The following SMARCA1 variants were observed in gnomAD, a reference collection of about 807,000 sequenced individuals.
SMARCA1 encodes SNF2 related chromatin remodeling ATPase 1, also known as SWI/SNF-related matrix-associated actin-dependent regulator of chromatin subfamily A member 1.
In SMARCA1, 17 loss-of-function variants were observed where a neutral mutation model predicts 93.6. The ratio of observed to expected loss-of-function variants is 0.18; its 90% CI spans 0.12 to 0.27. The LOEUF (loss-of-function observed/expected upper bound fraction) is 0.27. Ranked by LOEUF, SMARCA1 falls within the 10% of genes least tolerant of loss-of-function variation. SMARCA1 has a pLI of 1.00. For missense variants in SMARCA1, 630 were observed against 819.0 expected (o/e 0.77, Z 2.82); for synonymous variants, 271 against 271.4 (o/e 1.00, Z 0.01).
chrX:129,484,097 T>A lies in SMARCA1; in HGVS notation c.2218-2912A>T, dbSNP rs771316240. Among the ~76,000 whole-genome samples the A allele has an allele frequency of 2.8e-3, 310 of 111,988 alleles. 3 individuals carry two copies. Among genetic ancestry groups the A allele is most frequent in the Non-Finnish European group, 4.4e-3 (232 of 53,195 alleles). On this transcript the variant is annotated intron_variant, in intron 17 of 24. Transcript: ENST00000371121. ...TGGTTATTAAAATTCTCTTTACGCA[T>A]CATTACTTTGCTAAAATTAGAAGCA...
chrX:129,471,811 T>C lies in SMARCA1; in HGVS notation c.2443-485A>G, dbSNP rs184041696. Among the ~76,000 whole-genome samples, 141 of 110,921 alleles carry C rather than the reference T, an allele frequency of 1.3e-3. 1 individual carries two copies. Among genetic ancestry groups the C allele is most frequent in the Middle Eastern group, 4.6e-3 (1 of 216 alleles). On this transcript the variant is annotated intron_variant, in intron 19 of 24. Transcript: ENST00000371121. ...GGGGAGAGAGCATTTTTACATAAAA[T>C]GGAAAGTTTGGAAAAAGTTAACAGG...
chrX:129,516,760 G>A (rs1246711145), intron 2 of SMARCA1, among the ~76,000 whole-genome samples: 1 of 110,968 alleles, frequency 9.0e-6, no homozygotes, highest in Non-Finnish European at 1.9e-5. Context: ...TAGTTTGAAG[G>A]GAAGAAAAAT....
At chrX:129,463,405 A>T (rs931764957) in intron 23 of SMARCA1, among the ~76,000 whole-genome samples, 1 of 111,863 alleles carries the variant, frequency 8.9e-6, no homozygotes, top group African/African-American at 3.2e-5. Flanking sequence ...GTCAAAATAG[A>T]ATTCCACTTT....
At chrX:129,484,073 G>A (rs1352539945) in intron 17 of SMARCA1, among the ~76,000 whole-genome samples, 1 of 111,719 alleles carries the variant, frequency 9.0e-6, no homozygotes, top group East Asian at 2.8e-4. Context: ...AAGTCATCAT[G>A]GTTATTAAAA....
chrX:129,512,047 G>T, intron 5 of SMARCA1, 64 bp from the exon 6 acceptor site: 2 of 878,314 alleles, frequency 2.3e-6, no homozygotes, highest in Non-Finnish European at 3.2e-6. Flanking sequence ...CATTTTGTTA[G>T]GAACAACATA....
rs142456226 is a variant in SMARCA1 at position 129,496,768 on chromosome X, G to A, written c.1608C>T (p.Thr536=). 1,091 of 1,203,222 alleles carry A rather than the reference G, an allele frequency of 9.1e-4. 1 individual carries two copies. Among genetic ancestry groups the A allele is most frequent in the Non-Finnish European group, 6.8e-4 (609 of 891,602 alleles). Residue 536 remains threonine, a synonymous_variant, in exon 12 of 25, where the codon ACC becomes ACT. Transcript: ENST00000371121. ...GYEYCRLDGQ[T]PHEEREDKFL... The stretch of plus-strand genomic sequence containing the variant: ...TCCTCACCTCTCTTTCTTCATGCGG[G>A]GTTTGTCCATCCAGTCGACAATACT...
intron 6 of SMARCA1, among the ~76,000 whole-genome samples, chrX:129,511,550 C>CTAGT (rs10679278): frequency 0.26 from 28,934 of 110,457 alleles, 4,173 homozygotes; most frequent in African/African-American, 0.55. Flanking sequence ...GGTTAATGAA[C>CTAGT]TAAAGCAAAT....
chrX:129,453,299 A>T (rs1328038344), intron 23 of SMARCA1, among the ~76,000 whole-genome samples: 1 of 111,588 alleles, frequency 9.0e-6, no homozygotes, highest in African/African-American at 3.3e-5. Context: ...ACAACTAGCC[A>T]AGTTGTGAAT....
At chrX:129,513,634 A>C (rs1261977897) in intron 5 of SMARCA1, among the ~76,000 whole-genome samples, 1 of 108,344 alleles carries the variant, frequency 9.2e-6, no homozygotes, top group African/African-American at 3.3e-5. Context: ...CAAATTCATC[A>C]CTAAAGATCA....
intron 23 of SMARCA1, among the ~76,000 whole-genome samples, chrX:129,450,279 A>G (rs1357578062): frequency 8.9e-6 from 1 of 112,157 alleles, no homozygotes; most frequent in African/African-American, 3.2e-5. Context: ...AATGGGCCAT[A>G]TGAGAATGCC....
intron 9 of SMARCA1, 107 bp downstream of exon 9, chrX:129,504,627 A>G: frequency 5.1e-6 from 2 of 388,414 alleles, no homozygotes; most frequent in Admixed American, 3.3e-5. Context: ...AGTGACATTG[A>G]GCCAAGAGGC....
intron 23 of SMARCA1, among the ~76,000 whole-genome samples, chrX:129,464,975 AC>A (rs997490420): frequency 8.9e-6 from 1 of 111,745 alleles, no homozygotes; most frequent in Non-Finnish European, 1.9e-5. Flanking sequence ...GATCACGAAA[AC>A]CAAAAGGTTG....
chrX:129,487,730 A>G (rs1424387472), intron 16 of SMARCA1, among the ~76,000 whole-genome samples: 1 of 112,437 alleles, frequency 8.9e-6, no homozygotes, highest in East Asian at 2.8e-4. Flanking sequence ...ATAGATTTTA[A>G]AAGATAGAGA....
At position 129,521,727 on chromosome X, in the gene SMARCA1, G is replaced by C. The variant is rs150707175; in HGVS notation, c.174+1470C>G. Among the ~76,000 whole-genome samples, 489 of 112,223 alleles carry C rather than the reference G, an allele frequency of 4.4e-3. 4 individuals are homozygous for C. The highest frequency in any genetic ancestry group is 0.015 in the African/African-American group (468 of 30,886). ...GACATTTCCGAATTTCACAACATTTGATTTATATTGATGCTTGGTATTACA... is the reference window on the plus strand; with the variant it reads ...GACATTTCCGAATTTCACAACATTTCATTTATATTGATGCTTGGTATTACA... On this transcript the variant is annotated intron_variant, in intron 1 of 24. Coordinates refer to ENST00000371121, the MANE Select transcript of SMARCA1 (RefSeq NM_001282874.2).
intron 3 of SMARCA1, 45 bp from the exon 4 acceptor site, chrX:129,516,039 A>G: frequency 1.1e-6 from 1 of 945,705 alleles, no homozygotes; most frequent in Non-Finnish European, 1.5e-6. Flanking sequence ...CCTAAATGAT[A>G]AGGTATCAAT....
chrX:129,469,042 T>C, intron 20 of SMARCA1, 137 bp from the exon 21 acceptor site: 2 of 365,707 alleles, frequency 5.5e-6, no homozygotes, highest in African/African-American at 5.2e-5. Context: ...AAATTGCACA[T>C]ATTTTATGTT....
chrX:129,470,196 T>C (rs954715185), intron 20 of SMARCA1, among the ~76,000 whole-genome samples: 3 of 111,927 alleles, frequency 2.7e-5, no homozygotes, highest in African/African-American at 9.7e-5. Flanking sequence ...GGCAACCCTC[T>C]ATACTAAAGT....
At chrX:129,447,384 CCAA>C in intron 24 of SMARCA1, 151 bp from the exon 25 acceptor site, 1 of 506,921 alleles carries the variant, frequency 2.0e-6, no homozygotes, top group Non-Finnish European at 3.0e-6. Context: ...TCTATATAGC[CCAA>C]CAAACTATAT....
intron 14 of SMARCA1, 65 bp from the exon 15 acceptor site, chrX:129,490,257 C>T: frequency 2.7e-6 from 2 of 740,137 alleles, no homozygotes; most frequent in African/African-American, 2.1e-5. Flanking sequence ...CCATCATATG[C>T]TATAAAATTC....
Sources: gnomAD v4.1 joint callset for allele counts (sites outside exome capture counted in the v4.1 genomes callset) on GRCh38, gnomAD v4.1.1 for gene constraint, MANE v1.5 for transcripts, NCBI Gene and HGNC (gene_info 2026-07-23, HGNC 2026-07-21) for gene names.